Variants in POLN observed in about 807,000 individuals in gnomAD.
POLN encodes the protein DNA polymerase N.
Under a neutral mutation model 113.5 loss-of-function variants are expected in POLN, and 108 were observed. That is an observed-to-expected ratio of 0.95 (90% CI 0.81 to 1.12). The LOEUF (loss-of-function observed/expected upper bound fraction) is 1.12, where lower values mean the gene tolerates loss of function less well. Among genes scored for constraint, POLN ranks in the 50% most tolerant of loss-of-function variants. POLN has a pLI of 0.00. For missense variants in POLN, 1,097 were observed against 1,077.1 expected (o/e 1.02, Z -0.26); for synonymous variants, 386 against 391.5 (o/e 0.99, Z 0.17).
In POLN at chr4:2,237,158, T is replaced by C. The variant is rs984690781; in HGVS notation, c.-13+4362A>G. Among the ~76,000 whole-genome samples the C allele has an allele frequency of 1.1e-4, 17 of 152,170 alleles. No homozygotes were observed. In the South Asian group the frequency reaches 3.1e-3, roughly 28 times the overall value. On this transcript the variant is annotated intron_variant, in intron 2 of 25. Coordinates refer to ENST00000511885, the MANE Select transcript of POLN (RefSeq NM_181808.4). ...CTCATAGAATATAACTATGATGTAG[T>C]AGAAACAACAGGCTATGGCTCATGC...
At chr4:2,107,277 T>C (rs1002518911) in intron 19 of POLN, among the ~76,000 whole-genome samples, 1 of 152,222 alleles carries the variant, frequency 6.6e-6, no homozygotes, top group Non-Finnish European at 1.5e-5. Context: ...TCATACCATC[T>C]TCACCAAATG....
intron 20 of POLN, among the ~76,000 whole-genome samples, chr4:2,086,315 T>C (rs1730548610): frequency 6.6e-6 from 1 of 152,132 alleles, no homozygotes; most frequent in Non-Finnish European, 1.5e-5. Context: ...TTTCTATTTA[T>C]TAACAAGAAA....
intron 14 of POLN, 67 bp downstream of exon 14, chr4:2,159,088 C>T (rs1021729525): frequency 2.7e-5 from 32 of 1,201,346 alleles, no homozygotes; most frequent in Non-Finnish European, 3.7e-5. Flanking sequence ...TTTGTGTTGA[C>T]AGACACAGGG....
At chr4:2,101,868 G>A (rs1730934723) in intron 19 of POLN, among the ~76,000 whole-genome samples, 1 of 152,208 alleles carries the variant, frequency 6.6e-6, no homozygotes, top group Non-Finnish European at 1.5e-5. Flanking sequence ...AGCTGTGGAG[G>A]CTTGGTCTTG....
intron 5 of POLN, among the ~76,000 whole-genome samples, chr4:2,204,109 CAAAAAAA>C (rs566255148): frequency 7.2e-3 from 384 of 53,238 alleles, no homozygotes; most frequent in Non-Finnish European, 0.012. Flanking sequence ...AACTCTATCA[CAAAAAAA>C]AAAAAAAAAA....
At chr4:2,074,329 G>T (rs1414941376) in intron 24 of POLN, among the ~76,000 whole-genome samples, 1 of 152,166 alleles carries the variant, frequency 6.6e-6, no homozygotes, top group East Asian at 1.9e-4. Flanking sequence ...CCCGACCCCT[G>T]GTTCCCCAGG....
At chr4:2,236,440 C>T (rs774671583) in intron 2 of POLN, 28 of 1,609,724 alleles carry the variant, frequency 1.7e-5, no homozygotes, top group African/African-American at 2.7e-5. Context: ...TTCTCTCCCT[C>T]CAAAACTTGG....
intron 5 of POLN, among the ~76,000 whole-genome samples, chr4:2,201,192 G>A (rs1443483880): frequency 1.3e-5 from 2 of 148,266 alleles, no homozygotes; most frequent in Non-Finnish European, 3.0e-5. Flanking sequence ...GCCTGAACCC[G>A]GGAGGTGGAG....
intron 16 of POLN, chr4:2,140,943 G>A (rs1561032274): frequency 6.6e-6 from 1 of 152,354 alleles, no homozygotes. Context: ...GCATCTGTGA[G>A]ACGCACTTCT....
chr4:2,171,878 T>C (rs1732870988), intron 11 of POLN, among the ~76,000 whole-genome samples: 1 of 151,838 alleles, frequency 6.6e-6, no homozygotes, highest in Non-Finnish European at 1.5e-5. Flanking sequence ...CTTAAAGTAG[T>C]AAAAATAATG....
At chr4:2,162,323 C>T (rs1394286664) in intron 13 of POLN, among the ~76,000 whole-genome samples, 1 of 152,088 alleles carries the variant, frequency 6.6e-6, no homozygotes, top group African/African-American at 2.4e-5. Flanking sequence ...ACACTCACCG[C>T]GAAGGTCTGC....
chr4:2,122,556 G>C (rs1439151828), intron 19 of POLN, among the ~76,000 whole-genome samples: 1 of 152,124 alleles, frequency 6.6e-6, no homozygotes, highest in African/African-American at 2.4e-5. Flanking sequence ...CACTCACCAG[G>C]ATGGCTAGAA....
At chr4:2,212,057 GA>G (rs1460954583) in intron 4 of POLN, among the ~76,000 whole-genome samples, 2 of 152,100 alleles carry the variant, frequency 1.3e-5, no homozygotes, top group Non-Finnish European at 2.9e-5. Context: ...ATCAACCCAA[GA>G]GACAGGTCCT....
At chr4:2,110,876 C>T (rs1346932666) in intron 19 of POLN, among the ~76,000 whole-genome samples, 1 of 152,122 alleles carries the variant, frequency 6.6e-6, no homozygotes, top group African/African-American at 2.4e-5. Flanking sequence ...GGGAATCCTC[C>T]CTAACTCATT....
intron 18 of POLN, 22 bp from the exon 19 acceptor site, chr4:2,128,249 T>A: frequency 6.7e-7 from 1 of 1,489,228 alleles, no homozygotes. Context: ...AGTTCTGCAT[T>A]AATTTAGAGT....
chr4:2,220,448 C>T (rs1734228247), intron 3 of POLN, among the ~76,000 whole-genome samples: 1 of 152,174 alleles, frequency 6.6e-6, no homozygotes, highest in African/African-American at 2.4e-5. Flanking sequence ...TTAGTGATAC[C>T]CCATAGGTGG....
chr4:2,084,079 C>T (rs1379971783), intron 21 of POLN, among the ~76,000 whole-genome samples: 6 of 152,200 alleles, frequency 3.9e-5, no homozygotes, highest in African/African-American at 1.2e-4. Context: ...TTGATGCTTC[C>T]TTGACATCTC....
At chr4:2,178,161 C>T (rs983195957) in intron 8 of POLN, among the ~76,000 whole-genome samples, 37 of 152,094 alleles carry the variant, frequency 2.4e-4, no homozygotes, top group Non-Finnish European at 4.7e-4. Context: ...GTGCCTGACA[C>T]GGGCTCATAT....
At chr4:2,144,167 T>C (rs566973202) in intron 16 of POLN, among the ~76,000 whole-genome samples, 4 of 146,678 alleles carry the variant, frequency 2.7e-5, no homozygotes, top group Non-Finnish European at 4.5e-5. Context: ...TTTTTTGAGA[T>C]GGAGTCTCAC....
Sources: gnomAD v4.1 joint callset for allele counts (sites outside exome capture counted in the v4.1 genomes callset) on GRCh38, gnomAD v4.1.1 for gene constraint, MANE v1.5 for transcripts, NCBI Gene and HGNC (gene_info 2026-07-23, HGNC 2026-07-21) for gene names.